Variants in C4orf51 observed in about 807,000 individuals in gnomAD.
The protein encoded by C4orf51 is uncharacterized protein C4orf51.
Under a neutral mutation model 25.2 loss-of-function variants are expected in C4orf51, and 25 were observed. The ratio of observed to expected loss-of-function variants is 0.99; its 90% confidence interval spans 0.72 to 1.39. The LOEUF (loss-of-function observed/expected upper bound fraction) is 1.39. Among genes scored for constraint, C4orf51 ranks in the 40% most tolerant of loss-of-function variants. C4orf51 has a pLI of 0.00. For missense variants in C4orf51, 252 were observed against 239.6 expected (o/e 1.05, Z -0.34); for synonymous variants, 100 against 84.5 (o/e 1.18, Z -1.01).
intron 2 of C4orf51, among the ~76,000 whole-genome samples, chr4:145,703,427 A>G (rs1001514245): frequency 2.0e-5 from 3 of 152,020 alleles, no homozygotes; most frequent in Admixed American, 2.0e-4. Flanking sequence ...GACTCAGCCC[A>G]CCTGTACCCA....
intron 1 of C4orf51, chr4:145,760,719 G>A: frequency 1.2e-6 from 1 of 845,948 alleles, no homozygotes; most frequent in Non-Finnish European, 1.4e-6. Context: ...TAAGTTTTGT[G>A]GTTTTTTTTT....
the C4orf51 span, among the ~76,000 whole-genome samples, chr4:145,791,422 G>T: frequency 6.6e-6 from 1 of 152,134 alleles, no homozygotes; most frequent in African/African-American, 2.4e-5. Context: ...TTGAAATGGG[G>T]GGACATAAAC....
At chr4:145,692,759 T>TTAC (rs1463382958) in intron 1 of C4orf51, among the ~76,000 whole-genome samples, 1 of 152,142 alleles carries the variant, frequency 6.6e-6, no homozygotes, top group Non-Finnish European at 1.5e-5. Flanking sequence ...CCTAAAATAA[T>TTAC]TACTACCATG....
At chr4:145,711,336 C>T (rs544156605) in intron 2 of C4orf51, among the ~76,000 whole-genome samples, 1 of 152,202 alleles carries the variant, frequency 6.6e-6, no homozygotes, top group African/African-American at 2.4e-5. Context: ...GCAAGCTGAC[C>T]ACTTTCCATT....
rs1733109589 is a variant in C4orf51 at position 145,741,707 on chromosome 4, A to T, written n.167+9088A>T. Among the ~76,000 whole-genome samples the T allele has an allele frequency of 9.2e-5, 14 of 151,598 alleles. No individual in the cohort carries two copies. In the South Asian group the frequency reaches 2.9e-3, roughly 32 times the overall value. On this transcript the variant is annotated intron_variant and non_coding_transcript_variant, in intron 1 of 1. Transcript: ENST00000508981. ...CTTTTTTTCTTTTCTTTTCTTTTTT[A>T]TTTTTTTAAAGACAGAGTCTCACTC...
intron 2 of C4orf51, among the ~76,000 whole-genome samples, chr4:145,699,116 A>G (rs1305846845): frequency 6.6e-6 from 1 of 150,860 alleles, no homozygotes; most frequent in African/African-American, 2.4e-5. Context: ...TTTGACTGTA[A>G]TTTTCCTTTA....
intron 1 of C4orf51, among the ~76,000 whole-genome samples, chr4:145,770,332 AAATAAATAAATAAAT>A (rs1229039996): frequency 8.2e-5 from 12 of 146,342 alleles, no homozygotes; most frequent in Non-Finnish European, 1.2e-4. Context: ...ATAAATAAAT[AAATAAATAAATAAAT>A]AAAATAGATC....
intron 1 of C4orf51, chr4:145,760,886 G>T: frequency 8.1e-7 from 1 of 1,228,930 alleles, no homozygotes; most frequent in Non-Finnish European, 1.0e-6. Context: ...TGGAATGTGA[G>T]ATCCAAGTGG....
intron 1 of C4orf51, among the ~76,000 whole-genome samples, chr4:145,752,635 C>T (rs1479561396): frequency 6.6e-6 from 1 of 152,156 alleles, no homozygotes; most frequent in Non-Finnish European, 1.5e-5. Flanking sequence ...GGCATGGGCA[C>T]TCCCTTAGCT....
the C4orf51 span, among the ~76,000 whole-genome samples, chr4:145,787,520 C>T: frequency 2.7e-5 from 4 of 146,472 alleles, no homozygotes; most frequent in Non-Finnish European, 6.0e-5. Flanking sequence ...CAGTTAGAAA[C>T]ACTGGGTGGA....
At chr4:145,787,876 C>T in the C4orf51 span, among the ~76,000 whole-genome samples, 1 of 152,150 alleles carries the variant, frequency 6.6e-6, no homozygotes, top group South Asian at 2.1e-4. Flanking sequence ...CCACATCTTG[C>T]ACAGGGTCAA....
At chr4:145,689,097 C>T (rs551547525) in intron 1 of C4orf51, among the ~76,000 whole-genome samples, 6 of 152,010 alleles carry the variant, frequency 3.9e-5, no homozygotes, top group East Asian at 3.9e-4. Flanking sequence ...CAAAGAAAGG[C>T]GGTTTTCAAT....
At chr4:145,780,430 G>C in the C4orf51 span, among the ~76,000 whole-genome samples, 1 of 152,146 alleles carries the variant, frequency 6.6e-6, no homozygotes, top group African/African-American at 2.4e-5. Flanking sequence ...GAATGAACCA[G>C]AATTTCCCCC....
At chr4:145,764,403 C>A (rs1002033826) in intron 1 of C4orf51, among the ~76,000 whole-genome samples, 6 of 152,122 alleles carry the variant, frequency 3.9e-5, no homozygotes, top group Admixed American at 3.9e-4. Context: ...CACTTGAGAC[C>A]AAAGGGCCTC....
chr4:145,707,646 G>A (rs1318820620), intron 2 of C4orf51, among the ~76,000 whole-genome samples: 1 of 152,196 alleles, frequency 6.6e-6, no homozygotes, highest in African/African-American at 2.4e-5. Flanking sequence ...GCCCTAAAGA[G>A]GTGTTGGGTA....
At chr4:145,714,327 A>G (rs1251271595) in intron 2 of C4orf51, among the ~76,000 whole-genome samples, 1 of 152,212 alleles carries the variant, frequency 6.6e-6, no homozygotes, top group Non-Finnish European at 1.5e-5. Flanking sequence ...AATATCCATC[A>G]TCTCACATAA....
chr4:145,770,980 C>G (rs1467046084), intron 1 of C4orf51: 1 of 152,226 alleles, frequency 6.6e-6, no homozygotes, highest in African/African-American at 2.4e-5. Flanking sequence ...GTTCTCCTAA[C>G]TTAACAGGTG....
chr4:145,702,437 C>T (rs1267807104), intron 2 of C4orf51, among the ~76,000 whole-genome samples: 2 of 152,116 alleles, frequency 1.3e-5, no homozygotes, highest in Non-Finnish European at 2.9e-5. Flanking sequence ...AGCAAATTAC[C>T]TGGGCTGTAC....
chr4:145,752,462 C>T (rs1211724082), intron 1 of C4orf51, among the ~76,000 whole-genome samples: 6 of 152,210 alleles, frequency 3.9e-5, no homozygotes, highest in Non-Finnish European at 5.9e-5. Context: ...GGCCTGGAAT[C>T]GGCGCCTTAT....
Sources: allele counts gnomAD v4.1 joint callset (sites outside exome capture counted in the v4.1 genomes callset), GRCh38; gene constraint gnomAD v4.1.1; transcripts MANE v1.5; gene names NCBI Gene and HGNC (gene_info 2026-07-23, HGNC 2026-07-21).